MAST4: variants seen among roughly 807,000 people sequenced by gnomAD.
MAST4 encodes microtubule-associated serine/threonine-protein kinase 4.
A neutral mutation model predicts 162.7 loss-of-function variants in MAST4; 89 were observed. The observed-to-expected ratio is 0.55, with a 90% confidence interval of 0.46 to 0.65. The LOEUF (loss-of-function observed/expected upper bound fraction) is 0.65, where lower values mean the gene tolerates loss of function less well. Ranked by LOEUF, MAST4 falls within the 30% of genes least tolerant of loss-of-function variation. The pLI is 0.00. For synonymous variants in MAST4, 1,479 were observed against 1,361.1 expected (o/e 1.09, Z -1.91); for missense variants, 3,153 against 3,374.0 (o/e 0.93, Z 1.62).
At chr5:67,075,382 C>G (rs1385686497) in intron 5 of MAST4, among the ~76,000 whole-genome samples, 1 of 151,718 alleles carries the variant, frequency 6.6e-6, no homozygotes, top group African/African-American at 2.4e-5. Context: ...TCCATGTTAC[C>G]CAGGCTGGTC....
In MAST4 at chr5:66,625,178, G is replaced by A. The variant is rs946595637; in HGVS notation, c.363+28160G>A. 2.6e-5 allele frequency among the ~76,000 whole-genome samples: 4 copies of A among 152,224 alleles called. No homozygotes were observed. The South Asian group carries it at 8.3e-4, about 32-fold the overall frequency. ...TTGTTCCTTTCCTTCATGTGTGCGT[G>A]TGTGTGTCTTCTCCAGCAAGATTAT... On this transcript the variant is annotated intron_variant, in intron 1 of 28. Transcript: ENST00000403625.
At chr5:67,087,306 T>C (rs1763348251) in intron 5 of MAST4, among the ~76,000 whole-genome samples, 1 of 152,172 alleles carries the variant, frequency 6.6e-6, no homozygotes, top group Non-Finnish European at 1.5e-5. Context: ...CAGAATATCC[T>C]TTCTCTTGAC....
intron 4 of MAST4, among the ~76,000 whole-genome samples, chr5:67,028,490 G>A (rs1754939892): frequency 6.6e-6 from 1 of 152,120 alleles, no homozygotes; most frequent in Non-Finnish European, 1.5e-5. Context: ...GTTAGAGCAA[G>A]CATCACGGGC....
chr5:66,650,204 A>G (rs373875516), intron 1 of MAST4, among the ~76,000 whole-genome samples: 254 of 152,226 alleles, frequency 1.7e-3, no homozygotes, highest in African/African-American at 5.7e-3. Flanking sequence ...CTCTGCTTCA[A>G]GCTGTGGTCT....
At chr5:66,981,432 T>G (rs747308085) in intron 4 of MAST4, among the ~76,000 whole-genome samples, 1 of 152,330 alleles carries the variant, frequency 6.6e-6, no homozygotes, top group Admixed American at 6.5e-5. Flanking sequence ...TGAGGCTCCG[T>G]CTGGGACTTA....
At chr5:66,836,923 C>T (rs895604326) in intron 3 of MAST4, among the ~76,000 whole-genome samples, 16 of 151,914 alleles carry the variant, frequency 1.1e-4, no homozygotes, top group Non-Finnish European at 2.9e-5. Flanking sequence ...CACATGTACC[C>T]CAGAACCTAA....
At chr5:66,861,386 G>A (rs1379524200) in intron 3 of MAST4, among the ~76,000 whole-genome samples, 1 of 152,230 alleles carries the variant, frequency 6.6e-6, no homozygotes, top group Admixed American at 6.5e-5. Flanking sequence ...CTCATGCCAC[G>A]GATGTGCTGA....
At chr5:66,811,210 C>A (rs185395242) in intron 3 of MAST4, among the ~76,000 whole-genome samples, 2 of 152,318 alleles carry the variant, frequency 1.3e-5, no homozygotes, top group East Asian at 3.9e-4. Context: ...CCTCTCAGCT[C>A]TGCTGCTGAG....
intron 4 of MAST4, among the ~76,000 whole-genome samples, chr5:67,045,931 A>G (rs1391009945): frequency 6.6e-6 from 1 of 152,192 alleles, no homozygotes; most frequent in Non-Finnish European, 1.5e-5. Flanking sequence ...CCCCCAGGCA[A>G]GGTGGGGATG....
intron 5 of MAST4, among the ~76,000 whole-genome samples, chr5:67,071,609 A>G (rs1761005354): frequency 6.6e-6 from 1 of 152,200 alleles, no homozygotes; most frequent in Admixed American, 6.5e-5. Flanking sequence ...AAGATACAAA[A>G]ATTAGCCGGG....
chr5:66,984,641 A>C (rs1240054449), intron 4 of MAST4, among the ~76,000 whole-genome samples: 1 of 151,888 alleles, frequency 6.6e-6, no homozygotes, highest in East Asian at 1.9e-4. Flanking sequence ...TTAGAATGAG[A>C]GAGAATGTTG....
intron 1 of MAST4, among the ~76,000 whole-genome samples, chr5:66,643,024 A>G (rs10515015): frequency 0.55 from 83,291 of 151,932 alleles, 23,054 homozygotes; most frequent in South Asian, 0.67. Flanking sequence ...CAGAACATGG[A>G]CCGTTTAATT....
chr5:67,100,842 A>C (rs1043577285), intron 8 of MAST4, among the ~76,000 whole-genome samples: 1 of 152,222 alleles, frequency 6.6e-6, no homozygotes, highest in Non-Finnish European at 1.5e-5. Flanking sequence ...GGGACTACCT[A>C]TGAAAACATC....
intron 5 of MAST4, 60 bp downstream of exon 5, chr5:67,054,552 T>C: frequency 7.1e-7 from 1 of 1,403,412 alleles, no homozygotes; most frequent in South Asian, 1.3e-5. Context: ...TTTTTTAAAA[T>C]AATTAATGCA....
chr5:66,608,101 A>G (rs866424177), intron 1 of MAST4, among the ~76,000 whole-genome samples: 1 of 142,100 alleles, frequency 7.0e-6, no homozygotes. Flanking sequence ...TCTGTTGCCC[A>G]CGCTGGAGTG....
intron 4 of MAST4, among the ~76,000 whole-genome samples, chr5:66,980,213 A>T (rs1180863355): frequency 6.6e-6 from 1 of 152,224 alleles, no homozygotes; most frequent in Admixed American, 6.5e-5. Flanking sequence ...GGGGTCAAGG[A>T]TGGCCTGGTG....
At position 67,104,736 on chromosome 5, in the gene MAST4, A is replaced by G. The variant is rs1765407616; in HGVS notation, c.1356+161A>G. ...AACTCACCTGATTGCTACTTGCTAT[A>G]AATTGATTCTGGTCTTTATTTATAG... On this transcript the variant is annotated intron_variant, in intron 10 of 28. Coordinates refer to ENST00000403625, the MANE Select transcript of MAST4 (RefSeq NM_001164664.2). Among the ~76,000 whole-genome samples the G allele has an allele frequency of 2.6e-5, 4 of 152,070 alleles. No individual in the cohort carries two copies. The Middle Eastern group carries it at 0.014, about 517-fold the overall frequency.
At chr5:66,636,424 A>T (rs1745126010) in intron 1 of MAST4, among the ~76,000 whole-genome samples, 1 of 152,228 alleles carries the variant, frequency 6.6e-6, no homozygotes, top group Admixed American at 6.5e-5. Flanking sequence ...GCTTTGCAAT[A>T]TAAGCTGATG....
At chr5:66,618,629 G>A (rs559767664) in intron 1 of MAST4, among the ~76,000 whole-genome samples, 16 of 152,052 alleles carry the variant, frequency 1.1e-4, no homozygotes, top group African/African-American at 3.6e-4. Flanking sequence ...AGACACGCTG[G>A]TTTAAAAGGC....
Sources: allele counts gnomAD v4.1 joint callset (sites outside exome capture counted in the v4.1 genomes callset), GRCh38; gene constraint gnomAD v4.1.1; transcripts MANE v1.5; gene names NCBI Gene and HGNC (gene_info 2026-07-23, HGNC 2026-07-21).